Variants in RALGPS2 observed in about 807,000 individuals in gnomAD.
RALGPS2 encodes ras-specific guanine nucleotide-releasing factor RalGPS2.
In RALGPS2, 43 loss-of-function variants were observed where a neutral mutation model predicts 86.8. The observed-to-expected ratio is 0.50, with a 90% CI of 0.39 to 0.64. The LOEUF (loss-of-function observed/expected upper bound fraction) is 0.64. RALGPS2 is among the 30% of genes least tolerant of loss of function. RALGPS2 has a pLI of 0.00. For missense variants in RALGPS2, 536 were observed against 694.6 expected, an observed-to-expected ratio of 0.77 and a Z score of 2.57; for synonymous variants, 243 against 231.3, an observed-to-expected ratio of 1.05 and a Z score of -0.46.
rs1446484336 is a variant in RALGPS2, at chr1:178,917,398, TTC to T, written c.*1045_*1046del. On this transcript the variant is annotated 3_prime_UTR_variant, in exon 20 of 20. Coordinates refer to ENST00000367635, the MANE Select transcript of RALGPS2 (RefSeq NM_152663.5). The stretch of plus-strand genomic sequence containing the variant: ...CAGAGTTATTTTTTTATTATTCATT[TTC>T]TCTCTTTTTGTTCAATATGAGATTC... 1 of 152,188 alleles carries T rather than the reference TTC, an allele frequency of 6.6e-6. No homozygotes were observed. The highest frequency in any genetic ancestry group is 1.5e-5 in the Non-Finnish European group (1 of 68,022). The allele number at this position is 152,188 out of a possible 1,614,324, so 9.4% of individuals were successfully genotyped here.
At chr1:178,887,620 G>A (rs977470720) in intron 13 of RALGPS2, among the ~76,000 whole-genome samples, 1 of 152,272 alleles carries the variant, frequency 6.6e-6, no homozygotes, top group African/African-American at 2.4e-5. Flanking sequence ...AGATGCAAAA[G>A]GAGATTGATT....
At chr1:178,856,917 C>T (rs572469537) in intron 8 of RALGPS2, among the ~76,000 whole-genome samples, 1 of 152,242 alleles carries the variant, frequency 6.6e-6, no homozygotes, top group South Asian at 2.1e-4. Flanking sequence ...CTGCAGTTAC[C>T]TGTGGCACAA....
intron 6 of RALGPS2, among the ~76,000 whole-genome samples, chr1:178,812,686 C>T (rs1398489075): frequency 6.6e-6 from 1 of 152,118 alleles, no homozygotes; most frequent in Non-Finnish European, 1.5e-5. Context: ...ATTCATTACT[C>T]TTGTAATAAA....
chr1:178,832,452 A>G (rs1383458403), intron 7 of RALGPS2, among the ~76,000 whole-genome samples: 3 of 152,166 alleles, frequency 2.0e-5, no homozygotes, highest in Non-Finnish European at 1.5e-5. Context: ...AAACAAGGAC[A>G]TACATCTTTG....
At chr1:178,747,409 C>T in intron 1 of RALGPS2, 1 of 1,551,950 alleles carries the variant, frequency 6.4e-7, no homozygotes, top group Non-Finnish European at 8.9e-7. Context: ...CATCTTCTGA[C>T]AAGAGCTTCA....
chr1:178,840,568 A>G lies in RALGPS2; in HGVS notation c.607+7018A>G, dbSNP rs1656549823. On this transcript the variant is annotated intron_variant, in intron 8 of 19. Transcript: ENST00000367635. Reference sequence around the variant, plus strand: ...AAAGCAGGAAAGATCTAAAATTGACACCCTAACATCACAATTGAACTAGAG... The same window carrying G: ...AAAGCAGGAAAGATCTAAAATTGACGCCCTAACATCACAATTGAACTAGAG... 2.0e-5 allele frequency among the ~76,000 whole-genome samples: 3 copies of G among 152,286 alleles called. No homozygotes were observed. In the South Asian group the frequency reaches 6.2e-4, roughly 32 times the overall value.
chr1:178,736,764 GGTGGT>G (rs1024761560), intron 1 of RALGPS2, among the ~76,000 whole-genome samples: 3 of 152,042 alleles, frequency 2.0e-5, no homozygotes, highest in African/African-American at 7.2e-5. Flanking sequence ...AGCCAGGTAT[GGTGGT>G]GTGTGCCTGT....
chr1:178,791,307 T>G (rs2102145370), intron 4 of RALGPS2, among the ~76,000 whole-genome samples: 1 of 150,634 alleles, frequency 6.6e-6, no homozygotes, highest in South Asian at 2.1e-4. Flanking sequence ...TTTTTTTTTT[T>G]GGATAGAGAC....
intron 1 of RALGPS2, among the ~76,000 whole-genome samples, chr1:178,728,239 A>G (rs1222510568): frequency 6.6e-6 from 1 of 152,080 alleles, no homozygotes; most frequent in Non-Finnish European, 1.5e-5. Flanking sequence ...TCACCTTTTT[A>G]TTTCTGGCTG....
At chr1:178,896,201 G>A (rs1299763664) in intron 16 of RALGPS2, among the ~76,000 whole-genome samples, 1 of 151,964 alleles carries the variant, frequency 6.6e-6, no homozygotes, top group East Asian at 1.9e-4. Context: ...GACCTTGATG[G>A]CCCAAAAGCC....
At chr1:178,896,499 G>A (rs570436810) in intron 16 of RALGPS2, among the ~76,000 whole-genome samples, 15 of 148,044 alleles carry the variant, frequency 1.0e-4, no homozygotes, top group East Asian at 4.0e-4. Flanking sequence ...TTAAGTTTTA[G>A]GGTACATGTG....
intron 16 of RALGPS2, among the ~76,000 whole-genome samples, chr1:178,896,830 A>G (rs1392603819): frequency 6.7e-6 from 1 of 149,752 alleles, no homozygotes; most frequent in African/African-American, 2.5e-5. Flanking sequence ...CATGGTGTAT[A>G]TGTGCCACAT....
chr1:178,885,137 G>T lies in RALGPS2; in HGVS notation c.966G>T (p.Leu322Phe). Residue 322 changes from leucine (L) to phenylalanine (F), a missense_variant, in exon 12 of 20, where the codon TTG (leucine) becomes TTT (phenylalanine). This residue lies in a region of RALGPS2 where 309 missense variants were observed against 363.0 expected (regional missense o/e 0.85). Transcript: ENST00000367635. ...GRKSVAAEGALLPQTPPSPRN... is the reference protein window; with the variant it reads ...GRKSVAAEGAFLPQTPPSPRN... ...AAAGTGTGGCAGCTGAAGGAGCCTTGCTCCCACAGACACCGCCATCCCCTC... is the reference window on the plus strand; with the variant it reads ...AAAGTGTGGCAGCTGAAGGAGCCTTTCTCCCACAGACACCGCCATCCCCTC... The T allele has an allele frequency of 6.2e-7, 1 of 1,613,426 alleles. No homozygotes were observed. Among genetic ancestry groups the T allele is most frequent in the Non-Finnish European group, 8.5e-7 (1 of 1,179,768 alleles).
At chr1:178,748,605 C>T (rs1651472923) in intron 1 of RALGPS2, among the ~76,000 whole-genome samples, 1 of 151,342 alleles carries the variant, frequency 6.6e-6, no homozygotes, top group Non-Finnish European at 1.5e-5. Context: ...GTAATCCCAG[C>T]ACTTTGGGAG....
intron 8 of RALGPS2, among the ~76,000 whole-genome samples, chr1:178,840,862 C>A (rs545127011): frequency 6.6e-6 from 1 of 152,186 alleles, no homozygotes; most frequent in Non-Finnish European, 1.5e-5. Flanking sequence ...TCAGAGAATA[C>A]TGTAAACACC....
At chr1:178,865,414 C>T (rs1658334684) in intron 8 of RALGPS2, 12 of 1,613,990 alleles carry the variant, frequency 7.4e-6, no homozygotes, top group Non-Finnish European at 1.0e-5. Context: ...TACGGCTTTC[C>T]TTTCTCAGCA....
chr1:178,899,780 G>T (rs1660094748), intron 17 of RALGPS2, among the ~76,000 whole-genome samples: 1 of 151,656 alleles, frequency 6.6e-6, no homozygotes, highest in South Asian at 2.1e-4. Context: ...GGTGGAGTAA[G>T]GGCAGGGGGA....
At chr1:178,830,911 A>C (rs1275836199) in intron 7 of RALGPS2, among the ~76,000 whole-genome samples, 1 of 152,198 alleles carries the variant, frequency 6.6e-6, no homozygotes, top group Non-Finnish European at 1.5e-5. Flanking sequence ...AAAGAAAAAA[A>C]ATAGAAAAAT....
In RALGPS2 at chr1:178,810,771, CATT is replaced by C. The variant is rs371090783; in HGVS notation, c.298-540_298-538del. 5.9e-3 allele frequency among the ~76,000 whole-genome samples: 903 copies of C among 151,944 alleles called. 14 individuals carry two copies. Among genetic ancestry groups the C allele is most frequent in the African/African-American group, 0.021 (875 of 41,476 alleles). ...AATGTGAAGAAATATGAGGCAGTGGCATTATTTGTTGCACAATAATTTTGAACT... is the reference window on the plus strand; with the variant it reads ...AATGTGAAGAAATATGAGGCAGTGGCATTTGTTGCACAATAATTTTGAACT... On this transcript the variant is annotated intron_variant, in intron 5 of 19. Transcript: ENST00000367635.
Sources: gnomAD v4.1 joint callset for allele counts (sites outside exome capture counted in the v4.1 genomes callset) on GRCh38, gnomAD v4.1.1 for gene constraint, gnomAD v4.1.1 regional missense constraint, MANE v1.5 for transcripts, NCBI Gene and HGNC (gene_info 2026-07-23, HGNC 2026-07-21) for gene names.